The following TANC2 variants were observed in gnomAD, a reference collection of about 807,000 sequenced individuals.
The protein encoded by TANC2 is protein TANC2.
A neutral mutation model predicts 210.5 loss-of-function variants in TANC2; 26 were observed. The observed-to-expected ratio is 0.12, with a 90% CI of 0.09 to 0.17. The LOEUF (loss-of-function observed/expected upper bound fraction) is 0.17. Among genes scored for constraint, TANC2 ranks in the 10% least tolerant of loss-of-function variants. TANC2 has a pLI of 1.00. For synonymous variants in TANC2, 931 were observed against 967.1 expected, an observed-to-expected ratio of 0.96 and a Z score of 0.69; for missense variants, 2,129 against 2,608.9, an observed-to-expected ratio of 0.82 and a Z score of 4.01.
At chr17:63,184,383 T>G (rs1037579363) in intron 5 of TANC2, among the ~76,000 whole-genome samples, 1 of 152,168 alleles carries the variant, frequency 6.6e-6, no homozygotes, top group Non-Finnish European at 1.5e-5. Flanking sequence ...TCAAGGTCAG[T>G]GCCCTAAGTT....
intron 7 of TANC2, among the ~76,000 whole-genome samples, chr17:63,207,507 G>A (rs1040672215): frequency 6.6e-6 from 1 of 152,038 alleles, no homozygotes; most frequent in Non-Finnish European, 1.5e-5. Context: ...GAGCCACCAC[G>A]CTCAGCCACA....
intron 9 of TANC2, among the ~76,000 whole-genome samples, chr17:63,289,420 C>T (rs539425650): frequency 6.6e-6 from 1 of 152,064 alleles, no homozygotes; most frequent in Non-Finnish European, 1.5e-5. Context: ...GATACATCCT[C>T]AAAATCAGAG....
chr17:63,355,406 G>C lies in TANC2; in HGVS notation c.2582+16G>C. 3.9e-6 allele frequency: 6 copies of C among 1,532,404 alleles called. No homozygotes were observed. Among genetic ancestry groups the C allele is most frequent in the Non-Finnish European group, 5.2e-6 (6 of 1,147,802 alleles). 94.9% of individuals were successfully genotyped at this position (1,532,404 alleles called of 1,614,324 possible). A position where few individuals can be genotyped will look rare whatever the true frequency, so the allele number is the denominator to read the frequency against. On this transcript the variant is annotated intron_variant, in intron 14 of 27. Coordinates refer to ENST00000689528, the Ensembl canonical transcript of TANC2. ...GTGATCCGAGGTAAGACATATATCT[G>C]TGATAAACAATTCTGAGTCTGTTTT...
At chr17:62,981,044 T>C (rs1374197514) in intron 1 of TANC2, among the ~76,000 whole-genome samples, 1 of 152,232 alleles carries the variant, frequency 6.6e-6, no homozygotes, top group Non-Finnish European at 1.5e-5. Context: ...TGAATATGGC[T>C]CGAGCAAACA....
chr17:63,035,530 G>C (rs1276346659), intron 2 of TANC2, among the ~76,000 whole-genome samples: 10 of 152,180 alleles, frequency 6.6e-5, no homozygotes, highest in Non-Finnish European at 4.4e-5. Flanking sequence ...GTGTCAAAAA[G>C]TACTAGCGAG....
chr17:63,103,842 T>A (rs931765025), intron 4 of TANC2, among the ~76,000 whole-genome samples: 7 of 152,288 alleles, frequency 4.6e-5, no homozygotes, highest in Middle Eastern at 3.4e-3. Context: ...TGTGGCATAC[T>A]CTTATTAGCT....
At chr17:63,402,296 C>A (rs1480657100) in intron 19 of TANC2, among the ~76,000 whole-genome samples, 2 of 152,218 alleles carry the variant, frequency 1.3e-5, no homozygotes, top group African/African-American at 4.8e-5. Context: ...GAAACCTCTT[C>A]CTCTGTGCCT....
intron 4 of TANC2, among the ~76,000 whole-genome samples, chr17:63,143,987 TA>T (rs983838332): frequency 4.0e-5 from 6 of 151,602 alleles, no homozygotes; most frequent in South Asian, 2.1e-4. Context: ...ACCCTGTCTT[TA>T]AAAAAAAGAA....
intron 3 of TANC2, among the ~76,000 whole-genome samples, chr17:63,095,795 G>A (rs2037365792): frequency 6.6e-6 from 1 of 152,102 alleles, no homozygotes; most frequent in Non-Finnish European, 1.5e-5. Flanking sequence ...CTTTAAACAT[G>A]TATTTTTAGT....
intron 15 of TANC2, among the ~76,000 whole-genome samples, chr17:63,385,453 A>G (rs1297717075): frequency 2.0e-5 from 3 of 152,246 alleles, no homozygotes; most frequent in Non-Finnish European, 4.4e-5. Flanking sequence ...ACCCTGAGTA[A>G]CATTTAGAAT....
chr17:63,371,364 G>A (rs1383934694), intron 14 of TANC2, among the ~76,000 whole-genome samples: 1 of 151,986 alleles, frequency 6.6e-6, no homozygotes, highest in Non-Finnish European at 1.5e-5. Context: ...TACTCAGGAG[G>A]CTGAGGCAGG....
chr17:63,271,763 G>A (rs2043717552), intron 9 of TANC2, among the ~76,000 whole-genome samples: 1 of 151,412 alleles, frequency 6.6e-6, no homozygotes, highest in Admixed American at 6.6e-5. Context: ...TTTTTTAATA[G>A]GGTTATCTGT....
At chr17:63,188,847 T>G (rs979920748) in intron 5 of TANC2, among the ~76,000 whole-genome samples, 1 of 152,156 alleles carries the variant, frequency 6.6e-6, no homozygotes, top group African/African-American at 2.4e-5. Context: ...TTTAGTATAT[T>G]TACAGACTTG....
intron 8 of TANC2, among the ~76,000 whole-genome samples, chr17:63,245,768 G>A (rs558286147): frequency 7.2e-5 from 11 of 151,942 alleles, no homozygotes; most frequent in Admixed American, 2.0e-4. Context: ...CCTTGAACCC[G>A]GGAGGTGGAG....
intron 16 of TANC2, 28 bp from the exon 17 acceptor site, chr17:63,389,280 A>G (rs1567976128): frequency 6.4e-7 from 1 of 1,560,296 alleles, no homozygotes; most frequent in Non-Finnish European, 8.8e-7. Flanking sequence ...TGTTTGTCTA[A>G]TTATTAGTTC....
At chr17:63,398,980 CTTA>C in intron 19 of TANC2, 66 bp downstream of exon 19, 1 of 1,206,078 alleles carries the variant, frequency 8.3e-7, no homozygotes, top group Non-Finnish European at 1.2e-6. Flanking sequence ...ATCTCACCCC[CTTA>C]TTTTTTCCCT....
chr17:63,334,871 T>C (rs944673762), intron 11 of TANC2, among the ~76,000 whole-genome samples: 8 of 152,174 alleles, frequency 5.3e-5, no homozygotes, highest in African/African-American at 1.7e-4. Flanking sequence ...TGTGTCCAGC[T>C]TCTGAGGAGG....
chr17:63,301,747 G>A (rs1367148203), intron 9 of TANC2, among the ~76,000 whole-genome samples: 1 of 151,920 alleles, frequency 6.6e-6, no homozygotes, highest in Non-Finnish European at 1.5e-5. Context: ...TTCATTGATT[G>A]TTTCAAGGGT....
intron 9 of TANC2, among the ~76,000 whole-genome samples, chr17:63,288,961 A>G (rs1195336150): frequency 2.0e-5 from 3 of 152,162 alleles, no homozygotes; most frequent in South Asian, 2.1e-4. Context: ...TTCTCAGGGT[A>G]CAGAATTCTA....
Sources: gnomAD v4.1 joint callset for allele counts (sites outside exome capture counted in the v4.1 genomes callset) on GRCh38, gnomAD v4.1.1 for gene constraint, MANE v1.5 for transcripts, NCBI Gene and HGNC (gene_info 2026-07-23, HGNC 2026-07-21) for gene names.